Variants in IL1RAPL2 observed in about 807,000 individuals in gnomAD.
The protein encoded by IL1RAPL2 is X-linked interleukin-1 receptor accessory protein-like 2.
Under a neutral mutation model 44.1 loss-of-function variants are expected in IL1RAPL2, and 3 were observed. The observed-to-expected ratio is 0.07, with a 90% CI of 0.03 to 0.18. The LOEUF (loss-of-function observed/expected upper bound fraction) is 0.18, where lower values mean the gene tolerates loss of function less well. IL1RAPL2 is among the 10% of genes least tolerant of loss of function. The pLI, the probability that IL1RAPL2 is intolerant of heterozygous loss-of-function variation, is 1.00. For synonymous variants in IL1RAPL2, 181 were observed against 178.8 expected, an observed-to-expected ratio of 1.01 and a Z score of -0.10; for missense variants, 391 against 496.4, an observed-to-expected ratio of 0.79 and a Z score of 2.02.
chrX:105,652,737 C>T (rs1428285604), intron 6 of IL1RAPL2, among the ~76,000 whole-genome samples: 1 of 111,666 alleles, frequency 9.0e-6, no homozygotes, highest in East Asian at 2.8e-4. Flanking sequence ...ATTAATCTTA[C>T]TTCACAGTTT....
intron 7 of IL1RAPL2, among the ~76,000 whole-genome samples, chrX:105,736,041 A>G (rs1602546968): frequency 9.0e-6 from 1 of 111,507 alleles, no homozygotes; most frequent in East Asian, 2.8e-4. Context: ...ACAGACACAT[A>G]GACCAATGGA....
chrX:105,159,992 C>G (rs1031394047), intron 2 of IL1RAPL2, among the ~76,000 whole-genome samples: 10 of 97,916 alleles, frequency 1.0e-4, no homozygotes, highest in Non-Finnish European at 1.4e-4. Context: ...ACCCCCCCCC[C>G]CACTCCACCC....
At chrX:105,439,053 G>A (rs914548290) in intron 5 of IL1RAPL2, among the ~76,000 whole-genome samples, 10 of 111,323 alleles carry the variant, frequency 9.0e-5, no homozygotes, top group Non-Finnish European at 1.9e-5. Context: ...CTGCTGCCAG[G>A]TAAGACATGC....
intron 4 of IL1RAPL2, among the ~76,000 whole-genome samples, chrX:105,266,331 C>T (rs1010937617): frequency 9.0e-6 from 1 of 111,198 alleles, no homozygotes; most frequent in South Asian, 3.8e-4. Context: ...CGTGAGCCAC[C>T]GTGCCTGGCA....
intron 2 of IL1RAPL2, among the ~76,000 whole-genome samples, chrX:104,925,762 G>A (rs1341426197): frequency 2.7e-5 from 3 of 111,599 alleles, no homozygotes; most frequent in Non-Finnish European, 3.8e-5. Context: ...GCAAAAGCTG[G>A]AAACATTCCC....
At chrX:104,655,397 G>T (rs1403922339) in intron 1 of IL1RAPL2, among the ~76,000 whole-genome samples, 2 of 111,494 alleles carry the variant, frequency 1.8e-5, no homozygotes, top group Non-Finnish European at 3.8e-5. Flanking sequence ...GTTCAATTTT[G>T]TTGAAGGCCT....
chrX:104,827,524 G>A (rs1244048234), intron 2 of IL1RAPL2, among the ~76,000 whole-genome samples: 1 of 111,314 alleles, frequency 9.0e-6, no homozygotes, highest in African/African-American at 3.3e-5. Context: ...CCCTTTGTGG[G>A]TAACCATACC....
chrX:104,724,541 A>G (rs1931749768), intron 2 of IL1RAPL2, among the ~76,000 whole-genome samples: 1 of 111,563 alleles, frequency 9.0e-6, no homozygotes, highest in African/African-American at 3.3e-5. Context: ...TAGAAAACCC[A>G]ATGCAGATTT....
At chrX:104,753,483 A>G (rs1012598249) in intron 2 of IL1RAPL2, among the ~76,000 whole-genome samples, 2 of 111,374 alleles carry the variant, frequency 1.8e-5, no homozygotes, top group African/African-American at 6.5e-5. Flanking sequence ...ACTATCTAAA[A>G]CATCCGAGTA....
intron 6 of IL1RAPL2, among the ~76,000 whole-genome samples, chrX:105,551,186 AT>A (rs2036850834): frequency 9.2e-6 from 1 of 108,676 alleles, no homozygotes; most frequent in Non-Finnish European, 1.9e-5. Context: ...CTGAAGGAAG[AT>A]TTTTACTCAA....
intron 2 of IL1RAPL2, among the ~76,000 whole-genome samples, chrX:104,706,354 C>A (rs994304134): frequency 8.9e-6 from 1 of 112,130 alleles, no homozygotes; most frequent in African/African-American, 3.2e-5. Flanking sequence ...TTGAAGCCTT[C>A]CACAATGTGG....
At position 105,029,558 on chromosome X, in the gene IL1RAPL2, A is replaced by T. The variant is rs768694391; in HGVS notation, c.83-165917A>T. On this transcript the variant is annotated intron_variant, in intron 2 of 10. Transcript: ENST00000372582. ...AGAATGATGGTTTCCAGTTTCATCC[A>T]TGTCCCTACAAAGGACATGAACTCA... Among the ~76,000 whole-genome samples the T allele has an allele frequency of 1.8e-4, 19 of 107,583 alleles. No individual in the cohort carries two copies. In the South Asian group the frequency reaches 7.8e-3, roughly 44 times the overall value. The allele number at this position is 107,583 out of a possible 115,157, so 93.4% of individuals were successfully genotyped here. A position where few individuals can be genotyped will look rare whatever the true frequency, so the allele number is the denominator to read the frequency against.
At chrX:104,949,594 A>C (rs748923936) in intron 2 of IL1RAPL2, among the ~76,000 whole-genome samples, 7 of 106,584 alleles carry the variant, frequency 6.6e-5, no homozygotes, top group Non-Finnish European at 1.4e-4. Flanking sequence ...CTTTGAATGC[A>C]TCCCAGAGAT....
intron 2 of IL1RAPL2, among the ~76,000 whole-genome samples, chrX:104,914,105 T>G (rs1036217369): frequency 8.9e-5 from 10 of 111,765 alleles, no homozygotes; most frequent in Non-Finnish European, 1.5e-4. Flanking sequence ...TGTTTAAAAA[T>G]TCAGATCCCT....
intron 5 of IL1RAPL2, among the ~76,000 whole-genome samples, chrX:105,346,103 A>G (rs1187466273): frequency 8.9e-6 from 1 of 111,842 alleles, no homozygotes; most frequent in African/African-American, 3.3e-5. Context: ...AATTAAAAAA[A>G]AACAAGCATT....
At chrX:104,903,642 A>G (rs1156524432) in intron 2 of IL1RAPL2, among the ~76,000 whole-genome samples, 1 of 110,585 alleles carries the variant, frequency 9.0e-6, no homozygotes. Context: ...CAGTGGCATG[A>G]TCTTGTCTCA....
intron 2 of IL1RAPL2, among the ~76,000 whole-genome samples, chrX:105,067,224 A>G (rs1172774443): frequency 2.7e-5 from 3 of 111,160 alleles, no homozygotes; most frequent in Non-Finnish European, 3.8e-5. Flanking sequence ...ACACGCGCAC[A>G]CACACATACA....
intron 1 of IL1RAPL2, among the ~76,000 whole-genome samples, chrX:104,640,848 A>G (rs944038549): frequency 1.8e-5 from 2 of 112,437 alleles, no homozygotes; most frequent in African/African-American, 6.5e-5. Flanking sequence ...GGGGACTGAG[A>G]TGACAAATGG....
At chrX:105,125,472 G>A in intron 2 of IL1RAPL2, among the ~76,000 whole-genome samples, 1 of 110,568 alleles carries the variant, frequency 9.0e-6, no homozygotes, top group Admixed American at 9.6e-5. Context: ...GGTATCCCAG[G>A]GAAGGAAGGC....
Sources: gnomAD v4.1 joint callset for allele counts (sites outside exome capture counted in the v4.1 genomes callset) on GRCh38, gnomAD v4.1.1 for gene constraint, MANE v1.5 for transcripts, NCBI Gene and HGNC (gene_info 2026-07-23, HGNC 2026-07-21) for gene names.